ZNF491: variants seen among roughly 807,000 people sequenced by gnomAD.
The protein encoded by ZNF491 is zinc finger protein 491.
In ZNF491, 22 loss-of-function variants were observed where a neutral mutation model predicts 34.7. That is an observed-to-expected ratio of 0.63 (90% CI 0.45 to 0.90). The LOEUF (loss-of-function observed/expected upper bound fraction) is 0.90. Among genes scored for constraint, ZNF491 ranks in the 40% least tolerant of loss-of-function variants. ZNF491 has a pLI of 0.00. For synonymous variants in ZNF491, 148 were observed against 174.3 expected (o/e 0.85, Z 1.19); for missense variants, 559 against 531.7 (o/e 1.05, Z -0.51).
chr19:11,800,567 C>T (rs1371831522), intron 1 of ZNF491, among the ~76,000 whole-genome samples: 2 of 142,220 alleles, frequency 1.4e-5, no homozygotes, highest in Admixed American at 7.4e-5. Context: ...GTTGCCCAGG[C>T]TGGAGTGCAA....
In ZNF491 at chr19:11,805,903, G is replaced by A. The variant is rs371420586; in HGVS notation, c.-7-44G>A. On this transcript the variant is annotated intron_variant, in intron 2 of 2. Transcript: ENST00000323169. The stretch of plus-strand genomic sequence containing the variant: ...AATACTTATTAACAAATATTAAATC[G>A]CTTATAAACAGACCCTTAATTATGT... 61 of 1,420,152 alleles carry A rather than the reference G, an allele frequency of 4.3e-5. No individual in the cohort carries two copies. The Admixed American group carries it at 4.9e-4, about 11-fold the overall frequency. The allele number at this position is 1,420,152 out of a possible 1,614,324, so 88.0% of individuals were successfully genotyped here. A position where few individuals can be genotyped will look rare whatever the true frequency, so the allele number is the denominator to read the frequency against.
At chr19:11,800,857 A>G (rs1975551169) in intron 1 of ZNF491, among the ~76,000 whole-genome samples, 1 of 151,918 alleles carries the variant, frequency 6.6e-6, no homozygotes, top group Admixed American at 6.6e-5. Flanking sequence ...GCAAGATCTC[A>G]TCTCTACTGA....
At position 11,806,368 on chromosome 19, in the gene ZNF491, G is replaced by T; in HGVS notation, c.415G>T (p.Ala139Ser). The change falls in exon 3 of 3, where the codon GCC becomes TCC. Residue 139 changes from alanine to serine, a missense_variant. Coordinates refer to ENST00000323169, the MANE Select transcript of ZNF491 (RefSeq NM_152356.4). The stretch of plus-strand genomic sequence containing the variant: ...TTATAAATGTAAGTTTTGTGGGAAA[G>T]CCTTGGATTGTCTCAGTTTATACCT... Reference protein sequence around the residue: ...GPYKCKFCGKALDCLSLYLTH... With the variant: ...GPYKCKFCGKSLDCLSLYLTH... The T allele has an allele frequency of 6.2e-7, 1 of 1,613,640 alleles. No individual in the cohort carries two copies. The highest frequency in any genetic ancestry group is 8.5e-7 in the Non-Finnish European group (1 of 1,179,830).
Position 11,806,521 on chromosome 19 carries a change from A to T in ZNF491, c.568A>T (p.Lys190Ter). 1 of 1,614,170 alleles carries T rather than the reference A, an allele frequency of 6.2e-7. No individual in the cohort carries two copies. Among genetic ancestry groups the T allele is most frequent in the Non-Finnish European group, 8.5e-7 (1 of 1,180,030 alleles). ...THTGEKPYEC[K>*]ECGKSFNFSS... ...CACTGGGGAGAAGCCATATGAATGT[A>T]AGGAGTGTGGGAAATCATTCAATTT... Residue 190 changes from lysine to a stop codon, truncating the protein, a stop_gained, in exon 3 of 3, where the codon AAG becomes TAG. Transcript: ENST00000323169. LOFTEE classifies it high-confidence loss of function.
intron 1 of ZNF491, chr19:11,799,016 C>T: frequency 6.5e-6 from 1 of 152,856 alleles, no homozygotes; most frequent in Non-Finnish European, 1.5e-5. Context: ...CCAGATTGTG[C>T]GGGGGCCACG....
At chr19:11,805,409 CAAAAAAAAA>C (rs971587205) in intron 2 of ZNF491, among the ~76,000 whole-genome samples, 1 of 48,974 alleles carries the variant, frequency 2.0e-5, no homozygotes, top group Non-Finnish European at 4.3e-5. Flanking sequence ...AACTCCGTCT[CAAAAAAAAA>C]AAAAAAAAAA....
Position 11,804,547 on chromosome 19 carries a change from A to C in ZNF491, c.-128A>C. On this transcript the variant is annotated 5_prime_UTR_variant, in exon 2 of 3. Coordinates refer to ENST00000323169, the MANE Select transcript of ZNF491 (RefSeq NM_152356.4). ...ACACATGTGAGATGTTTCAGGACCC[A>C]GTGGCCTTTGAGGATGTGGCTGTGA... The C allele has an allele frequency of 6.4e-7, 1 of 1,556,720 alleles. No homozygotes were observed. The highest frequency in any genetic ancestry group is 8.7e-7 in the Non-Finnish European group (1 of 1,155,564).
chr19:11,807,075 A>T lies in ZNF491; in HGVS notation c.1122A>T (p.Glu374Asp). The change falls in exon 3 of 3, where the codon GAA (glutamate) becomes GAT (aspartate). Residue 374 changes from glutamate to aspartate, a missense_variant. Transcript: ENST00000323169. Reference protein sequence around the residue: ...FHCVSSFHRHERTHAGEKPYE... With the variant: ...FHCVSSFHRHDRTHAGEKPYE... ...GTGTCAGCTCCTTTCATAGACATGA[A>T]AGGACTCACGCTGGAGAAAAACCTT... The T allele has an allele frequency of 6.2e-7, 1 of 1,609,124 alleles. No individual in the cohort carries two copies. The highest frequency in any genetic ancestry group is 1.1e-5 in the South Asian group (1 of 90,232).
rs553855688 is a variant in ZNF491 at position 11,802,635 on chromosome 19, G to T, written c.-133-1907G>T. 2.4e-3 allele frequency among the ~76,000 whole-genome samples: 362 copies of T among 152,194 alleles called. 1 individual carries two copies. The highest frequency in any genetic ancestry group is 4.2e-3 in the Non-Finnish European group (284 of 68,010). ...TTACCCCAGTATTATTTCCCATAAT[G>T]GTTTTGGTCATGGGTTTCTGTTTCA... is the stretch of plus-strand genomic sequence containing the variant. On this transcript the variant is annotated intron_variant, in intron 1 of 2. Transcript: ENST00000323169.
In ZNF491 at chr19:11,807,209, C is replaced by T; in HGVS notation, c.1256C>T (p.Ala419Val). 1 of 1,581,612 alleles carries T rather than the reference C, an allele frequency of 6.3e-7. No individual in the cohort carries two copies. Residue 419 changes from alanine to valine, a missense_variant, in exon 3 of 3, where the codon GCC becomes GTC. By Grantham distance (64) the Ala-to-Val change is moderately conservative. Coordinates refer to ENST00000323169, the MANE Select transcript of ZNF491 (RefSeq NM_152356.4). ...TACCAATGTAAGGAATGTGGGAAAGCCTTCATTCGTTCCAGTTACTGTCGA... is the reference window on the plus strand; with the variant it reads ...TACCAATGTAAGGAATGTGGGAAAGTCTTCATTCGTTCCAGTTACTGTCGA... ...KPYQCKECGK[A>V]FIRSSYCRKH...
At chr19:11,799,484 C>A (rs1359279414) in intron 1 of ZNF491, among the ~76,000 whole-genome samples, 1 of 99,520 alleles carries the variant, frequency 1.0e-5, no homozygotes, top group Non-Finnish European at 1.9e-5. Flanking sequence ...CCGCCCCCCT[C>A]CCCCCGCCCC....
At chr19:11,802,980 CTT>C (rs60046800) in intron 1 of ZNF491, among the ~76,000 whole-genome samples, 19 of 136,722 alleles carry the variant, frequency 1.4e-4, no homozygotes, top group African/African-American at 1.3e-4. Context: ...TTTTCCTATT[CTT>C]TTTTTTTTTT....
At chr19:11,804,483 C>T in intron 1 of ZNF491, 59 bp from the exon 2 acceptor site, 1 of 1,472,228 alleles carries the variant, frequency 6.8e-7, no homozygotes, top group Non-Finnish European at 9.0e-7. Context: ...GGAATAGAGT[C>T]TAGGCCCCCA....
chr19:11,800,760 C>A (rs1165437640), intron 1 of ZNF491, among the ~76,000 whole-genome samples: 1 of 152,130 alleles, frequency 6.6e-6, no homozygotes, highest in African/African-American at 2.4e-5. Flanking sequence ...CAGTGACTCA[C>A]TCCTGTAATC....
chr19:11,807,324 C>A lies in ZNF491; in HGVS notation c.*57C>A. Reference sequence around the variant, plus strand: ...TAGAGACAGGGTCTCACTATCTTGTCCAGGTTGGTCTTGAACTCCTGGCCT... The same window carrying A: ...TAGAGACAGGGTCTCACTATCTTGTACAGGTTGGTCTTGAACTCCTGGCCT... On this transcript the variant is annotated 3_prime_UTR_variant, in exon 3 of 3. Coordinates refer to ENST00000323169, the MANE Select transcript of ZNF491 (RefSeq NM_152356.4). 2.2e-6 allele frequency: 3 copies of A among 1,359,342 alleles called. No individual in the cohort carries two copies. Among genetic ancestry groups the A allele is most frequent in the Non-Finnish European group, 2.9e-6 (3 of 1,022,678 alleles). The allele number at this position is 1,359,342 out of a possible 1,614,324, so 84.2% of individuals were successfully genotyped here.
intron 1 of ZNF491, among the ~76,000 whole-genome samples, chr19:11,802,416 T>C (rs1183599435): frequency 6.6e-6 from 1 of 152,212 alleles, no homozygotes; most frequent in African/African-American, 2.4e-5. Context: ...ACCAGATATA[T>C]GACTTACCAA....
intron 1 of ZNF491, among the ~76,000 whole-genome samples, chr19:11,801,993 A>T (rs1975563589): frequency 6.6e-6 from 1 of 151,912 alleles, no homozygotes; most frequent in Non-Finnish European, 1.5e-5. Flanking sequence ...ATTTTATTTT[A>T]TTTTTTATAG....
intron 2 of ZNF491, among the ~76,000 whole-genome samples, chr19:11,805,241 C>A (rs1004241920): frequency 6.6e-6 from 1 of 151,722 alleles, no homozygotes; most frequent in Non-Finnish European, 1.5e-5. Context: ...CAAACCCTGT[C>A]GCTAGTAAAA....
chr19:11,806,886 C>T lies in ZNF491; in HGVS notation c.933C>T (p.Ser311=), dbSNP rs1300909965. The T allele has an allele frequency of 1.9e-6, 3 of 1,611,176 alleles. No homozygotes were observed. The highest frequency in any genetic ancestry group is 1.7e-4 in the Middle Eastern group (1 of 6,050). ...CKQCGKAFTC[S]TSFQYHERTH... is the part of the protein sequence containing the mutation. ...AATGTGGGAAAGCCTTCACTTGTTC[C>T]ACTTCGTTTCAATATCATGAAAGGA... The change falls in exon 3 of 3, where the codon TCC becomes TCT. Residue 311 remains serine, a synonymous_variant. Transcript: ENST00000323169.
Sources: allele counts gnomAD v4.1 joint callset (sites outside exome capture counted in the v4.1 genomes callset), GRCh38; gene constraint gnomAD v4.1.1; transcripts MANE v1.5; gene names NCBI Gene and HGNC (gene_info 2026-07-23, HGNC 2026-07-21).